The following BANK1 variants were observed in gnomAD, a reference collection of about 807,000 sequenced individuals.
BANK1 encodes B cell scaffold protein with ankyrin repeats 1.
In BANK1, 95 loss-of-function variants were observed where a neutral mutation model predicts 94.5. The ratio of observed to expected loss-of-function variants is 1.00; its 90% CI spans 0.85 to 1.19. The LOEUF is 1.19. BANK1 is among the 50% of genes most tolerant of loss of function. The probability of loss-of-function intolerance (pLI) is 0.00; values close to 1 mark genes in which losing one functional copy is unlikely to be tolerated. For missense variants in BANK1, 987 were observed against 932.2 expected (o/e 1.06, Z -0.77); for synonymous variants, 334 against 308.4 (o/e 1.08, Z -0.87).
At chr4:101,877,448 C>T (rs1728532608) in intron 5 of BANK1, among the ~76,000 whole-genome samples, 2 of 151,996 alleles carry the variant, frequency 1.3e-5, no homozygotes, top group Non-Finnish European at 2.9e-5. Context: ...AAGCGATGAA[C>T]CAATCAAAAA....
intron 7 of BANK1, among the ~76,000 whole-genome samples, chr4:101,952,187 A>G (rs948832583): frequency 6.6e-6 from 1 of 152,172 alleles, no homozygotes; most frequent in Non-Finnish European, 1.5e-5. Context: ...AAAATGATGT[A>G]CAGCAGGTCC....
At chr4:101,854,963 G>A (rs1727624556) in intron 2 of BANK1, 72 bp from the exon 3 acceptor site, 1 of 1,192,490 alleles carries the variant, frequency 8.4e-7, no homozygotes, top group Non-Finnish European at 1.2e-6. Flanking sequence ...TTAGCAATTA[G>A]TCTTTATAGC....
chr4:102,018,818 TC>T (rs372798037), intron 7 of BANK1, among the ~76,000 whole-genome samples: 1,740 of 140,120 alleles, frequency 0.012, 62 homozygotes, highest in East Asian at 0.061. Flanking sequence ...TTTCTTTCTT[TC>T]CTTTTTTTTT....
chr4:101,829,163 G>T (rs766258458), intron 1 of BANK1, among the ~76,000 whole-genome samples: 1 of 152,026 alleles, frequency 6.6e-6, no homozygotes, highest in African/African-American at 2.4e-5. Flanking sequence ...CGCCGGGCAA[G>T]ATCTGTTTTC....
Position 102,060,227 on chromosome 4 carries a change from G to A in BANK1, c.1986G>A (p.Glu662=). 6.3e-7 allele frequency: 1 copy of A among 1,579,052 alleles called. No homozygotes were observed. Among genetic ancestry groups the A allele is most frequent in the Non-Finnish European group, 8.5e-7 (1 of 1,170,296 alleles). Residue 662 remains glutamate (E), a synonymous_variant, in exon 12 of 17, where the codon GAG becomes GAA. Transcript: ENST00000322953. ...LPKKQDRARI[E]SPAFSTLRGC... Reference sequence around the variant, plus strand: ...GTATTTTAGACAGAGCTCGGATAGAGAGTCCAGCCTTTTCTACTCTCAGGG... The same window carrying A: ...GTATTTTAGACAGAGCTCGGATAGAAAGTCCAGCCTTTTCTACTCTCAGGG...
rs1560576132 is a variant in BANK1 at position 101,792,471 on chromosome 4, T to TGTGTGTG, written c.70+1521_70+1522insGTGTGTG. ...TGTGTGTGTGTGTGTGTGTGTGTGT[T>TGTGTGTG]TTTTTTTTTTTAATGAAGAGCTCCC... On this transcript the variant is annotated intron_variant, in intron 1 of 16. Coordinates refer to ENST00000322953, the MANE Select transcript of BANK1 (RefSeq NM_017935.5). Among the ~76,000 whole-genome samples, 7 of 46,882 alleles carry TGTGTGTG rather than the reference T, an allele frequency of 1.5e-4. No homozygotes were observed. The East Asian group carries it at 4.0e-3, about 27-fold the overall frequency. 30.8% of individuals were successfully genotyped at this position (46,882 alleles called of 152,430 possible).
intron 1 of BANK1, among the ~76,000 whole-genome samples, chr4:101,799,537 G>A (rs1169106687): frequency 6.6e-6 from 1 of 152,172 alleles, no homozygotes; most frequent in African/African-American, 2.4e-5. Flanking sequence ...CAATAGCAAA[G>A]ACTTGGAACC....
At chr4:101,920,833 T>C (rs977899322) in intron 7 of BANK1, among the ~76,000 whole-genome samples, 1 of 151,844 alleles carries the variant, frequency 6.6e-6, no homozygotes, top group Admixed American at 6.6e-5. Context: ...AAAGAAATTA[T>C]GATTTTAGAA....
intron 7 of BANK1, among the ~76,000 whole-genome samples, chr4:101,925,971 C>A (rs1351880390): frequency 6.6e-6 from 1 of 151,674 alleles, no homozygotes; most frequent in African/African-American, 2.4e-5. Flanking sequence ...AAACACACGG[C>A]ATTGTCCTTT....
intron 3 of BANK1, among the ~76,000 whole-genome samples, chr4:101,857,333 C>T (rs1021539627): frequency 6.6e-6 from 1 of 152,170 alleles, no homozygotes; most frequent in African/African-American, 2.4e-5. Flanking sequence ...GTGTTTCCAG[C>T]ATGCTAACAC....
chr4:101,878,244 AAATG>A (rs1349604638), intron 5 of BANK1, among the ~76,000 whole-genome samples: 2 of 152,176 alleles, frequency 1.3e-5, no homozygotes, highest in Non-Finnish European at 2.9e-5. Flanking sequence ...CATAGACTGA[AAATG>A]AAAGGATGAA....
At chr4:101,869,203 T>G (rs765873863) in intron 4 of BANK1, among the ~76,000 whole-genome samples, 1 of 151,880 alleles carries the variant, frequency 6.6e-6, no homozygotes, top group Non-Finnish European at 1.5e-5. Flanking sequence ...AAAATTAATA[T>G]CTTATTTCAA....
At chr4:101,828,864 T>TC (rs1244193062) in intron 1 of BANK1, among the ~76,000 whole-genome samples, 1 of 152,024 alleles carries the variant, frequency 6.6e-6, no homozygotes. Flanking sequence ...AGATCTGTTT[T>TC]CTCTTCTTTT....
intron 7 of BANK1, among the ~76,000 whole-genome samples, chr4:101,964,032 A>G (rs953806565): frequency 1.3e-5 from 2 of 152,132 alleles, no homozygotes; most frequent in Non-Finnish European, 2.9e-5. Context: ...TTAAGACTGT[A>G]TATGAATTGG....
chr4:101,865,154 T>C (rs903332425), intron 4 of BANK1, among the ~76,000 whole-genome samples: 1 of 152,154 alleles, frequency 6.6e-6, no homozygotes, highest in African/African-American at 2.4e-5. Flanking sequence ...CGTCATACTT[T>C]GGGGTATTGT....
chr4:101,969,823 A>G (rs1307503606), intron 7 of BANK1, among the ~76,000 whole-genome samples: 1 of 152,102 alleles, frequency 6.6e-6, no homozygotes. Context: ...AGCAAATGGT[A>G]GGAGACCATT....
At chr4:101,815,857 TA>T (rs1209265582) in intron 1 of BANK1, among the ~76,000 whole-genome samples, 3 of 152,158 alleles carry the variant, frequency 2.0e-5, no homozygotes, top group African/African-American at 7.2e-5. Context: ...AGTGTACTTC[TA>T]AAGGATTTTT....
chr4:102,050,320 T>TG (rs913399471), intron 11 of BANK1, among the ~76,000 whole-genome samples: 7 of 152,162 alleles, frequency 4.6e-5, no homozygotes, highest in African/African-American at 1.7e-4. Context: ...TAAGTTTCTG[T>TG]GGGTAGGAGG....
intron 3 of BANK1, among the ~76,000 whole-genome samples, chr4:101,859,902 A>G (rs558363917): frequency 2.0e-5 from 3 of 152,208 alleles, no homozygotes; most frequent in Admixed American, 2.0e-4. Context: ...ACTAATCAGG[A>G]GTAGAGAGCA....
Sources: allele counts gnomAD v4.1 joint callset (sites outside exome capture counted in the v4.1 genomes callset), GRCh38; gene constraint gnomAD v4.1.1; transcripts MANE v1.5; gene names NCBI Gene and HGNC (gene_info 2026-07-23, HGNC 2026-07-21).